The following PDSS2 variants were observed in gnomAD, a reference collection of about 807,000 sequenced individuals.
The protein encoded by PDSS2 is all trans-polyprenyl-diphosphate synthase PDSS2.
In PDSS2, 31 loss-of-function variants were observed where a neutral mutation model predicts 44.5. That is an observed-to-expected ratio of 0.70 (90% CI 0.52 to 0.94). PDSS2 has a LOEUF of 0.94. Among genes scored for constraint, PDSS2 ranks in the 40% least tolerant of loss-of-function variants. The probability of loss-of-function intolerance (pLI) is 0.00; values close to 1 mark genes in which losing one functional copy is unlikely to be tolerated. For missense variants in PDSS2, 452 were observed against 482.2 expected (o/e 0.94, Z 0.59); for synonymous variants, 157 against 180.3 (o/e 0.87, Z 1.03).
chr6:107,412,233 CTT>C (rs1169549611), intron 1 of PDSS2, among the ~76,000 whole-genome samples: 1 of 73,426 alleles, frequency 1.4e-5, no homozygotes, highest in Non-Finnish European at 2.5e-5. Flanking sequence ...GTCCTTTGCT[CTT>C]TTTTTTTTTT....
intron 2 of PDSS2, among the ~76,000 whole-genome samples, chr6:107,295,342 T>A (rs1328645073): frequency 6.6e-6 from 1 of 152,228 alleles, no homozygotes; most frequent in Non-Finnish European, 1.5e-5. Flanking sequence ...AATAAGATTA[T>A]GAAGGATGCC....
chr6:107,318,447 C>T (rs901325308), intron 2 of PDSS2, among the ~76,000 whole-genome samples: 7 of 151,630 alleles, frequency 4.6e-5, no homozygotes, highest in Non-Finnish European at 1.0e-4. Context: ...TTGTTTTATT[C>T]AATTTTTTAC....
At chr6:107,333,874 T>A (rs896112303) in intron 2 of PDSS2, among the ~76,000 whole-genome samples, 5 of 151,970 alleles carry the variant, frequency 3.3e-5, no homozygotes, top group Admixed American at 3.3e-4. Context: ...AAATCATAGA[T>A]CCTGAACTAA....
At chr6:107,401,518 G>T (rs1780104969) in intron 1 of PDSS2, among the ~76,000 whole-genome samples, 1 of 152,126 alleles carries the variant, frequency 6.6e-6, no homozygotes, top group African/African-American at 2.4e-5. Flanking sequence ...AAAAAACAAG[G>T]TGCTATGAGA....
intron 2 of PDSS2, among the ~76,000 whole-genome samples, chr6:107,290,678 A>T (rs1292608192): frequency 1.3e-5 from 2 of 152,150 alleles, no homozygotes. Flanking sequence ...CACTCGGCTT[A>T]TGTATCTACA....
At chr6:107,289,356 G>A (rs1776267831) in intron 2 of PDSS2, among the ~76,000 whole-genome samples, 1 of 146,272 alleles carries the variant, frequency 6.8e-6, no homozygotes, top group Non-Finnish European at 1.5e-5. Context: ...CTGGGTAACA[G>A]AGCGAGACTC....
intron 1 of PDSS2, among the ~76,000 whole-genome samples, chr6:107,350,730 A>G (rs572470545): frequency 3.3e-5 from 5 of 152,156 alleles, no homozygotes; most frequent in Non-Finnish European, 7.3e-5. Flanking sequence ...GGACTGCTTG[A>G]GCCCAGGAGT....
At chr6:107,166,586 G>A (rs9689031) in intron 7 of PDSS2, among the ~76,000 whole-genome samples, 61,594 of 151,738 alleles carry the variant, frequency 0.41, 12,825 homozygotes, top group Non-Finnish European at 0.44. Flanking sequence ...GGATGGTCTC[G>A]ATCTCCTGAC....
At chr6:107,273,688 A>G (rs1288713343) in intron 3 of PDSS2, among the ~76,000 whole-genome samples, 2 of 152,228 alleles carry the variant, frequency 1.3e-5, no homozygotes, top group African/African-American at 4.8e-5. Flanking sequence ...AAAGACTACA[A>G]GGAAATACAT....
chr6:107,176,905 A>C (rs1254846655), intron 7 of PDSS2, among the ~76,000 whole-genome samples: 1 of 152,116 alleles, frequency 6.6e-6, no homozygotes, highest in African/African-American at 2.4e-5. Flanking sequence ...AGAATGGCAG[A>C]GAAGAACTGA....
intron 2 of PDSS2, among the ~76,000 whole-genome samples, chr6:107,288,275 A>C (rs1323857195): frequency 6.6e-6 from 1 of 152,222 alleles, no homozygotes; most frequent in African/African-American, 2.4e-5. Flanking sequence ...GGTACGGCCA[A>C]ATCTACGCCT....
chr6:107,281,996 C>G (rs894149534), intron 2 of PDSS2, among the ~76,000 whole-genome samples: 3 of 152,102 alleles, frequency 2.0e-5, no homozygotes, highest in African/African-American at 4.8e-5. Context: ...ACCTCCACCC[C>G]CTGGGTTCAA....
chr6:107,323,230 C>G (rs1350085790), intron 2 of PDSS2, among the ~76,000 whole-genome samples: 1 of 152,172 alleles, frequency 6.6e-6, no homozygotes, highest in Admixed American at 6.5e-5. Flanking sequence ...GAAATTACAT[C>G]AATAGCAAGT....
intron 1 of PDSS2, among the ~76,000 whole-genome samples, chr6:107,454,915 A>G (rs1413686135): frequency 6.6e-6 from 1 of 152,240 alleles, no homozygotes; most frequent in Non-Finnish European, 1.5e-5. Flanking sequence ...ATAACTGTGT[A>G]CAGTGTATAT....
At chr6:107,424,305 T>G (rs190835415) in intron 1 of PDSS2, among the ~76,000 whole-genome samples, 9 of 152,242 alleles carry the variant, frequency 5.9e-5, no homozygotes. Flanking sequence ...CACCTCAGCC[T>G]CCCAAAGTGC....
intron 4 of PDSS2, among the ~76,000 whole-genome samples, chr6:107,231,292 T>C (rs1256338550): frequency 1.3e-5 from 2 of 152,204 alleles, no homozygotes; most frequent in African/African-American, 4.8e-5. Flanking sequence ...GACTGTGATA[T>C]GCAAAGAACA....
intron 1 of PDSS2, among the ~76,000 whole-genome samples, chr6:107,420,350 T>C (rs759914167): frequency 2.0e-5 from 3 of 152,128 alleles, no homozygotes; most frequent in Non-Finnish European, 2.9e-5. Context: ...ACCACAACTA[T>C]GATAGATACA....
At chr6:107,441,749 A>G (rs189061946) in intron 1 of PDSS2, among the ~76,000 whole-genome samples, 73 of 152,282 alleles carry the variant, frequency 4.8e-4, no homozygotes, top group African/African-American at 1.7e-3. Context: ...GGCCTGTAAC[A>G]CATTTCACTT....
intron 1 of PDSS2, among the ~76,000 whole-genome samples, chr6:107,444,690 C>A (rs188471613): frequency 6.6e-6 from 1 of 152,182 alleles, no homozygotes; most frequent in African/African-American, 2.4e-5. Context: ...ATGGAAGAGA[C>A]TAAAATTAAA....
Sources: gnomAD v4.1 joint callset for allele counts (sites outside exome capture counted in the v4.1 genomes callset) on GRCh38, gnomAD v4.1.1 for gene constraint, MANE v1.5 for transcripts, NCBI Gene and HGNC (gene_info 2026-07-23, HGNC 2026-07-21) for gene names.